The following RP1L1 variants were observed in gnomAD, a reference collection of about 807,000 sequenced individuals.
RP1L1 encodes the protein retinitis pigmentosa 1-like 1 protein.
A neutral mutation model predicts 15.7 loss-of-function variants in RP1L1; 27 were observed. The ratio of observed to expected loss-of-function variants is 1.72; its 90% CI spans 1.27 to 2.38. The LOEUF (loss-of-function observed/expected upper bound fraction) is 2.38. Among genes scored for constraint, RP1L1 ranks in the 30% most tolerant of loss-of-function variants. The probability of loss-of-function intolerance (pLI) is 0.00; values close to 1 mark genes in which losing one functional copy is unlikely to be tolerated. For missense variants in RP1L1, 4,798 were observed against 3,075.9 expected (o/e 1.56, Z -13.24); for synonymous variants, 1,813 against 1,276.7 (o/e 1.42, Z -8.96).
intron 3 of RP1L1, among the ~76,000 whole-genome samples, chr8:10,614,477 T>C (rs1266931649): frequency 6.6e-6 from 1 of 151,958 alleles, no homozygotes; most frequent in Non-Finnish European, 1.5e-5. Flanking sequence ...CTGGCCAACA[T>C]GGGGAAACCC....
rs538357501 is a variant in RP1L1 at position 10,609,408 on chromosome 8, C to T, written c.4690G>A (p.Val1564Met). 2.3e-5 allele frequency: 37 copies of T among 1,612,330 alleles called. No individual in the cohort carries two copies. Among genetic ancestry groups the T allele is most frequent in the South Asian group, 1.2e-4 (11 of 91,052 alleles). ...GTGCTGTCCTGGAGGCGTTGGGCCA[C>T]GTCCTGCTGCAGCTCGGCCGCCATC... ...DQMAAELQQD[V>M]AQRLQDSTKR... Residue 1564 changes from valine (V) to methionine (M), a missense_variant, in exon 4 of 4, where the codon GTG becomes ATG. Transcript: ENST00000382483.
chr8:10,636,658 G>A (rs1002662839), intron 1 of RP1L1, among the ~76,000 whole-genome samples: 6 of 152,126 alleles, frequency 3.9e-5, no homozygotes, highest in East Asian at 3.9e-4. Context: ...CTTTTGTCTC[G>A]GGCATGATAA....
rs993933323 is a variant in RP1L1 at position 10,612,559 on chromosome 8, G to A, written c.1539C>T (p.Gly513=). ...PGLCIDGAGL[G]GPEQGGRLTP... is the part of the protein sequence containing the mutation. ...TCAGGCGGCCGCCTTGCTCTGGGCC[G>A]CCCAGCCCTGCTCCATCTATGCATA... The change falls in exon 4 of 4, where the codon GGC becomes GGT. Residue 513 remains glycine (G), a synonymous_variant. Transcript: ENST00000382483. 68 of 1,607,304 alleles carry A rather than the reference G, an allele frequency of 4.2e-5. No individual in the cohort carries two copies. The highest frequency in any genetic ancestry group is 5.4e-5 in the Non-Finnish European group (64 of 1,179,544).
At chr8:10,622,463 G>C in intron 2 of RP1L1, 130 bp downstream of exon 2, 1 of 1,203,082 alleles carries the variant, frequency 8.3e-7, no homozygotes, top group Non-Finnish European at 1.2e-6. Flanking sequence ...TCTCCATGCT[G>C]TTCACCTTTA....
In RP1L1 at chr8:10,609,668, A is replaced by C. The variant is rs1284925991; in HGVS notation, c.4430T>G (p.Leu1477Trp). 2 of 1,611,730 alleles carry C rather than the reference A, an allele frequency of 1.2e-6. No individual in the cohort carries two copies. The highest frequency in any genetic ancestry group is 1.7e-6 in the Non-Finnish European group (2 of 1,179,962). ...RQSGSQLEPG[L>W]EKPPGATMMG... ...CATGGTGGCTCCGGGCGGCTTTTCC[A>C]AACCAGGCTCAAGCTGGGAGCCACT... is the stretch of plus-strand genomic sequence containing the variant. Residue 1477 changes from leucine (L) to tryptophan (W), a missense_variant, in exon 4 of 4, where the codon TTG (leucine) becomes TGG (tryptophan). Transcript: ENST00000382483.
intron 1 of RP1L1, among the ~76,000 whole-genome samples, chr8:10,646,187 C>T (rs906118041): frequency 5.3e-5 from 8 of 152,210 alleles, no homozygotes; most frequent in African/African-American, 1.9e-4. Context: ...CCTGCTGTGC[C>T]GAGGACCTGG....
At position 10,609,193 on chromosome 8, in the gene RP1L1, G is replaced by A. The variant is rs200540100; in HGVS notation, c.4905C>T (p.Asp1635=). 575 of 1,611,516 alleles carry A rather than the reference G, an allele frequency of 3.6e-4. 1 individual carries two copies. The highest frequency in any genetic ancestry group is 2.5e-3 in the African/African-American group (190 of 75,042). Reference sequence around the variant, plus strand: ...CCAGGGCTGTGCTGAGGGCTGGCTCGTCCTCCAGGGTGAAGGAGAGGGGCC... The same window carrying A: ...CCAGGGCTGTGCTGAGGGCTGGCTCATCCTCCAGGGTGAAGGAGAGGGGCC... ...GLGPLSFTLE[D]EPALSTALGS... is the part of the protein sequence containing the mutation. Residue 1635 remains aspartate (D), a synonymous_variant, in exon 4 of 4, where the codon GAC becomes GAT. Transcript: ENST00000382483.
intron 3 of RP1L1, 150 bp from the exon 4 acceptor site, chr8:10,613,496 G>A (rs748317738): frequency 1.1e-5 from 13 of 1,209,748 alleles, no homozygotes; most frequent in Non-Finnish European, 1.5e-5. Flanking sequence ...GTGCGCGGTG[G>A]CTCAGGCCTG....
Position 10,612,509 on chromosome 8 carries a change from C to T in RP1L1, c.1589G>A (p.Gly530Glu). ...GCTGGCTGACGAGTCCGAAGAAGCC[C>T]CCTCCTCACTCCGGGCCCTCGGTGT... is the stretch of plus-strand genomic sequence containing the variant. ...RLTPRARSEE[G>E]ASSDSSASTG... Residue 530 changes from glycine (G) to glutamate (E), a missense_variant, in exon 4 of 4, where the codon GGG (glycine) becomes GAG (glutamate). Transcript: ENST00000382483. The T allele has an allele frequency of 6.2e-7, 1 of 1,612,106 alleles. No homozygotes were observed. The highest frequency in any genetic ancestry group is 8.5e-7 in the Non-Finnish European group (1 of 1,179,928).
At chr8:10,618,528 A>G (rs986067311) in intron 2 of RP1L1, among the ~76,000 whole-genome samples, 4 of 151,966 alleles carry the variant, frequency 2.6e-5, no homozygotes, top group African/African-American at 9.7e-5. Flanking sequence ...GCAAACAAAC[A>G]AACAAACAAA....
chr8:10,611,721 C>T lies in RP1L1; in HGVS notation c.2377G>A (p.Gly793Arg), dbSNP rs765874804. 5 of 1,613,632 alleles carry T rather than the reference C, an allele frequency of 3.1e-6. No homozygotes were observed. The highest frequency in any genetic ancestry group is 3.4e-6 in the Non-Finnish European group (4 of 1,179,986). Residue 793 changes from glycine to arginine, a missense_variant, in exon 4 of 4, where the codon GGG (glycine) becomes AGG (arginine). By Grantham distance (125) the Gly-to-Arg change is moderately radical. Coordinates refer to ENST00000382483, the MANE Select transcript of RP1L1 (RefSeq NM_178857.6). ...SCSKSGAASL[G>R]EEARDTPQPS... is the part of the protein sequence containing the mutation. Reference sequence around the variant, plus strand: ...TGAGGCGTGTCCCTGGCCTCTTCCCCCAGGCTGGCAGCCCCAGATTTTGAG... The same window carrying T: ...TGAGGCGTGTCCCTGGCCTCTTCCCTCAGGCTGGCAGCCCCAGATTTTGAG...
intron 1 of RP1L1, among the ~76,000 whole-genome samples, chr8:10,634,861 C>T (rs1798305633): frequency 6.6e-6 from 1 of 152,164 alleles, no homozygotes; most frequent in African/African-American, 2.4e-5. Flanking sequence ...AACTGGGACT[C>T]CCTCTCCTCA....
At chr8:10,633,838 T>C (rs1160553690) in intron 1 of RP1L1, among the ~76,000 whole-genome samples, 2 of 152,192 alleles carry the variant, frequency 1.3e-5, no homozygotes, top group Admixed American at 6.5e-5. Context: ...AATCTCCACA[T>C]AGTTCCATGA....
At chr8:10,623,775 T>C (rs1203914206) in intron 1 of RP1L1, among the ~76,000 whole-genome samples, 1 of 152,054 alleles carries the variant, frequency 6.6e-6, no homozygotes, top group Non-Finnish European at 1.5e-5. Flanking sequence ...CATCACTATG[T>C]CCCCAGCACA....
At chr8:10,633,620 C>T (rs1403510723) in intron 1 of RP1L1, among the ~76,000 whole-genome samples, 1 of 152,120 alleles carries the variant, frequency 6.6e-6, no homozygotes, top group Non-Finnish European at 1.5e-5. Context: ...GCACAGGAGG[C>T]AGAACAACTG....
intron 1 of RP1L1, among the ~76,000 whole-genome samples, chr8:10,646,976 GC>G (rs1798488686): frequency 6.6e-6 from 1 of 152,180 alleles, no homozygotes; most frequent in Non-Finnish European, 1.5e-5. Context: ...GTGGAAGAAA[GC>G]CTCGCCCGAG....
chr8:10,645,689 G>T (rs531156205), intron 1 of RP1L1, among the ~76,000 whole-genome samples: 1 of 152,286 alleles, frequency 6.6e-6, no homozygotes, highest in East Asian at 1.9e-4. Flanking sequence ...GAGGCTGCGA[G>T]CATTGGGCTT....
rs751542131 is a variant in RP1L1, at chr8:10,609,425, G to A, written c.4673C>T (p.Ala1558Val). 1 of 1,612,214 alleles carries A rather than the reference G, an allele frequency of 6.2e-7. No individual in the cohort carries two copies. The highest frequency in any genetic ancestry group is 8.5e-7 in the Non-Finnish European group (1 of 1,179,940). The change falls in exon 4 of 4, where the codon GCC (alanine) becomes GTC (valine). Residue 1558 changes from alanine (A) to valine (V), a missense_variant. Ala to Val is a moderately conservative substitution (Grantham distance 64, BLOSUM62 0). Coordinates refer to ENST00000382483, the MANE Select transcript of RP1L1 (RefSeq NM_178857.6). The stretch of plus-strand genomic sequence containing the variant: ...TTGGGCCACGTCCTGCTGCAGCTCG[G>A]CCGCCATCTGGTCCAGCAGATCATT... ...QDNDLLDQMA[A>V]ELQQDVAQRL...
At position 10,611,420 on chromosome 8, in the gene RP1L1, C is replaced by T. The variant is rs956398086; in HGVS notation, c.2678G>A (p.Arg893His). Reference sequence around the variant, plus strand: ...TGGGGACGGCGTGGGGCCTGGCTGGCGTGTCCCCTCCTGCGGGCTCCCACC... The same window carrying T: ...TGGGGACGGCGTGGGGCCTGGCTGGTGTGTCCCCTCCTGCGGGCTCCCACC... ...GPGGSPQEGT[R>H]QPGPTPSPGP... Residue 893 changes from arginine to histidine, a missense_variant, in exon 4 of 4, where the codon CGC becomes CAC. Arg to His is a conservative substitution (Grantham distance 29). Transcript: ENST00000382483. The T allele has an allele frequency of 4.4e-5, 70 of 1,586,730 alleles. No individual in the cohort carries two copies. The highest frequency in any genetic ancestry group is 5.4e-5 in the Non-Finnish European group (63 of 1,168,718).
Sources: allele counts gnomAD v4.1 joint callset (sites outside exome capture counted in the v4.1 genomes callset), GRCh38; gene constraint gnomAD v4.1.1; transcripts MANE v1.5; gene names NCBI Gene and HGNC (gene_info 2026-07-23, HGNC 2026-07-21).